Variants in PRKCQ observed in about 807,000 individuals in gnomAD.
The protein encoded by PRKCQ is protein kinase C theta type.
Under a neutral mutation model 91.2 loss-of-function variants are expected in PRKCQ, and 41 were observed. The ratio of observed to expected loss-of-function variants is 0.45; its 90% CI spans 0.35 to 0.58. The LOEUF is 0.58. Among genes scored for constraint, PRKCQ ranks in the 20% least tolerant of loss-of-function variants. PRKCQ has a pLI of 0.00. For missense variants in PRKCQ, 673 were observed against 896.5 expected, an observed-to-expected ratio of 0.75 and a Z score of 3.18; for synonymous variants, 307 against 316.9, an observed-to-expected ratio of 0.97 and a Z score of 0.33.
intron 1 of PRKCQ, among the ~76,000 whole-genome samples, chr10:6,528,580 T>C (rs1267334148): frequency 6.6e-6 from 1 of 152,232 alleles, no homozygotes; most frequent in African/African-American, 2.4e-5. Context: ...TCTCCTGATC[T>C]GCCTCTCCGT....
chr10:6,537,321 G>A (rs1218179864), intron 1 of PRKCQ, among the ~76,000 whole-genome samples: 1 of 152,148 alleles, frequency 6.6e-6, no homozygotes, highest in African/African-American at 2.4e-5. Context: ...AAAATCCGAT[G>A]TTTTTTCAAA....
intron 1 of PRKCQ, among the ~76,000 whole-genome samples, chr10:6,536,475 T>G (rs1356798959): frequency 6.6e-6 from 1 of 152,130 alleles, no homozygotes; most frequent in Non-Finnish European, 1.5e-5. Flanking sequence ...ATAGCACACC[T>G]CATAAGACTT....
chr10:6,401,858 G>C, the PRKCQ span, among the ~76,000 whole-genome samples: 2 of 152,150 alleles, frequency 1.3e-5, no homozygotes, highest in East Asian at 3.9e-4. Context: ...TTGAATTAAG[G>C]GGAAGGCTGA....
chr10:6,502,211 G>A (rs368042269), intron 4 of PRKCQ, among the ~76,000 whole-genome samples: 7 of 152,290 alleles, frequency 4.6e-5, no homozygotes, highest in East Asian at 3.9e-4. Flanking sequence ...GTGGGACCAC[G>A]GAAATGAGGA....
intron 8 of PRKCQ, among the ~76,000 whole-genome samples, chr10:6,489,155 C>T (rs1162789075): frequency 6.6e-6 from 1 of 152,026 alleles, no homozygotes; most frequent in East Asian, 1.9e-4. Context: ...GCAAAACTCG[C>T]ATAACTCACA....
At chr10:6,566,458 A>T (rs1196516057) in intron 1 of PRKCQ, among the ~76,000 whole-genome samples, 1 of 152,134 alleles carries the variant, frequency 6.6e-6, no homozygotes, top group Admixed American at 6.5e-5. Flanking sequence ...ATCAGGGGGA[A>T]TCCTAGACAT....
the PRKCQ span, among the ~76,000 whole-genome samples, chr10:6,417,468 TA>T: frequency 7.0e-6 from 1 of 142,834 alleles, no homozygotes; most frequent in African/African-American, 2.6e-5. Context: ...TTTACTTAGA[TA>T]ATCCACATTC....
At chr10:6,467,440 G>A (rs543504949) in intron 12 of PRKCQ, among the ~76,000 whole-genome samples, 55 of 129,870 alleles carry the variant, frequency 4.2e-4, no homozygotes, top group African/African-American at 1.6e-3. Context: ...AGATGGTGGG[G>A]AGGGAGGGAG....
chr10:6,515,695 C>T (rs1226128156), intron 1 of PRKCQ, among the ~76,000 whole-genome samples: 1 of 151,920 alleles, frequency 6.6e-6, no homozygotes, highest in Non-Finnish European at 1.5e-5. Flanking sequence ...TTCACAGTTA[C>T]ACACACACAC....
intron 7 of PRKCQ, among the ~76,000 whole-genome samples, chr10:6,494,574 A>G (rs77634074): frequency 0.062 from 9,390 of 152,084 alleles, 343 homozygotes; most frequent in African/African-American, 0.094. Context: ...CAACACCTCA[A>G]CTGCACAGAA....
In PRKCQ at chr10:6,462,291, A is replaced by G; in HGVS notation, c.1508+12T>C. The G allele has an allele frequency of 1.2e-6, 2 of 1,611,654 alleles. No individual in the cohort carries two copies. The highest frequency in any genetic ancestry group is 2.2e-5 in the East Asian group (1 of 44,856). On this transcript the variant is annotated intron_variant, in intron 14 of 17. Transcript: ENST00000263125. ...GATATCTTAGCATTTGTTTCCACAA[A>G]GCAAAATTTACCTGTAGACTATTCC...
At chr10:6,407,366 G>A in the PRKCQ span, among the ~76,000 whole-genome samples, 3 of 151,978 alleles carry the variant, frequency 2.0e-5, no homozygotes, top group Admixed American at 2.0e-4. The surrounding 1 kb of genome is among the most constrained non-coding windows in gnomAD (Gnocchi z 4.0). Flanking sequence ...AAGTGAGGGG[G>A]AATGACTTCC....
chr10:6,483,885 T>A (rs1269576050), intron 10 of PRKCQ, among the ~76,000 whole-genome samples: 1 of 152,208 alleles, frequency 6.6e-6, no homozygotes, highest in African/African-American at 2.4e-5. Context: ...CAAATTCCAA[T>A]CAGTAAAAGA....
At chr10:6,454,077 T>C (rs962678744) in intron 15 of PRKCQ, among the ~76,000 whole-genome samples, 1 of 152,066 alleles carries the variant, frequency 6.6e-6, no homozygotes, top group South Asian at 2.1e-4. Flanking sequence ...ATAATAATAA[T>C]AAATAAATTA....
At chr10:6,402,054 G>T in the PRKCQ span, among the ~76,000 whole-genome samples, 4 of 152,222 alleles carry the variant, frequency 2.6e-5, no homozygotes, top group South Asian at 2.1e-4. Context: ...CACAGACGCT[G>T]CAAAGAAGCT....
At chr10:6,533,308 C>G (rs1232221875) in intron 1 of PRKCQ, among the ~76,000 whole-genome samples, 2 of 152,230 alleles carry the variant, frequency 1.3e-5, no homozygotes, top group Non-Finnish European at 2.9e-5. Flanking sequence ...AGCGATTCTC[C>G]TGTCTCAGCC....
At chr10:6,530,668 G>GCA (rs1171331018) in intron 1 of PRKCQ, among the ~76,000 whole-genome samples, 2 of 152,336 alleles carry the variant, frequency 1.3e-5, no homozygotes, top group African/African-American at 4.8e-5. Flanking sequence ...TTAGGGCAAT[G>GCA]TGAATTGCTC....
intron 1 of PRKCQ, among the ~76,000 whole-genome samples, chr10:6,562,748 TGTATG>T (rs1231318502): frequency 6.6e-6 from 1 of 152,162 alleles, no homozygotes; most frequent in African/African-American, 2.4e-5. Context: ...CCAGTTCTGC[TGTATG>T]GTAGCTCTGT....
At chr10:6,578,997 A>G (rs1273168126) in intron 1 of PRKCQ, among the ~76,000 whole-genome samples, 1 of 152,226 alleles carries the variant, frequency 6.6e-6, no homozygotes, top group Non-Finnish European at 1.5e-5. Context: ...TCTAGGGAGC[A>G]AACCAAGGGA....
Sources: gnomAD v4.1 joint callset for allele counts (sites outside exome capture counted in the v4.1 genomes callset) on GRCh38, gnomAD v4.1.1 for gene constraint, Gnocchi (gnomAD v3.1) non-coding constraint, MANE v1.5 for transcripts, NCBI Gene and HGNC (gene_info 2026-07-23, HGNC 2026-07-21) for gene names.